APOBEC3F: variants seen among roughly 807,000 people sequenced by gnomAD.
APOBEC3F encodes DNA dC->dU-editing enzyme APOBEC-3F.
A neutral mutation model predicts 45.8 loss-of-function variants in APOBEC3F; 34 were observed. The ratio of observed to expected loss-of-function variants is 0.74; its 90% confidence interval spans 0.57 to 0.99. The LOEUF is 0.99. Among genes scored for constraint, APOBEC3F ranks in the 50% least tolerant of loss-of-function variants. APOBEC3F has a pLI of 0.00. For synonymous variants in APOBEC3F, 192 were observed against 174.4 expected, an observed-to-expected ratio of 1.10 and a Z score of -0.80; for missense variants, 459 against 474.1, an observed-to-expected ratio of 0.97 and a Z score of 0.30.
chr22:39,043,212 T>C, intron 2 of APOBEC3F, 122 bp downstream of exon 2: 1 of 1,351,488 alleles, frequency 7.4e-7, no homozygotes, highest in Non-Finnish European at 9.9e-7. Flanking sequence ...CTCCCACACT[T>C]TCCAAGTCCG....
At position 39,054,752 on chromosome 22, in the gene APOBEC3F, T is replaced by C. The variant is rs1927638584; in HGVS notation, c.*2057T>C. On this transcript the variant is annotated 3_prime_UTR_variant, in exon 7 of 7. Coordinates refer to ENST00000308521, the MANE Select transcript of APOBEC3F (RefSeq NM_145298.6). The stretch of plus-strand genomic sequence containing the variant: ...GAAATGTGAAATTTAGAGGCCCTTC[T>C]CCACACTTTAAATTTGACTTGACAT... Among the ~76,000 whole-genome samples, 1 of 152,220 alleles carries C rather than the reference T, an allele frequency of 6.6e-6. No homozygotes were observed. The highest frequency in any genetic ancestry group is 2.1e-4 in the South Asian group (1 of 4,838).
At chr22:39,046,007 C>T (rs1601497189) in intron 4 of APOBEC3F, among the ~76,000 whole-genome samples, 1 of 152,102 alleles carries the variant, frequency 6.6e-6, no homozygotes, top group Admixed American at 6.6e-5. Flanking sequence ...GGGCCGGGTG[C>T]CCACAGGGCA....
At chr22:39,041,112 C>A in intron 1 of APOBEC3F, 135 bp downstream of exon 1, 2 of 1,449,388 alleles carry the variant, frequency 1.4e-6, no homozygotes, top group Non-Finnish European at 1.9e-6. Context: ...CCCCTGCCCC[C>A]GCCACTCCCA....
In APOBEC3F at chr22:39,051,440, G is replaced by A. The variant is rs1162661619; in HGVS notation, c.724-634G>A. On this transcript the variant is annotated intron_variant, in intron 5 of 6. Transcript: ENST00000308521. Reference sequence around the variant, plus strand: ...TAGTCCCAGCTACTTGGGAGGCTGAGGCAGGAGAATGGCGTGAACCCCGGA... The same window carrying A: ...TAGTCCCAGCTACTTGGGAGGCTGAAGCAGGAGAATGGCGTGAACCCCGGA... Among the ~76,000 whole-genome samples, 8 of 151,768 alleles carry A rather than the reference G, an allele frequency of 5.3e-5. No homozygotes were observed. The South Asian group carries it at 1.2e-3, about 24-fold the overall frequency.
At chr22:39,051,175 T>C (rs191879373) in intron 5 of APOBEC3F, among the ~76,000 whole-genome samples, 1 of 151,330 alleles carries the variant, frequency 6.6e-6, no homozygotes, top group Non-Finnish European at 1.5e-5. Context: ...AGGCAGAGGT[T>C]GCAGTGAGCC....
chr22:39,041,106 T>G, intron 1 of APOBEC3F, 129 bp downstream of exon 1: 10 of 1,415,728 alleles, frequency 7.1e-6, no homozygotes, highest in South Asian at 1.3e-5. Flanking sequence ...CTGGCTCCCC[T>G]GCCCCCGCCA....
chr22:39,046,466 G>A (rs1264776787), intron 4 of APOBEC3F, among the ~76,000 whole-genome samples: 1 of 151,994 alleles, frequency 6.6e-6, no homozygotes, highest in Admixed American at 6.6e-5. Flanking sequence ...AGACCTTGCT[G>A]CACCCTGGGC....
intron 4 of APOBEC3F, among the ~76,000 whole-genome samples, chr22:39,046,828 T>A (rs552442156): frequency 5.9e-5 from 9 of 151,616 alleles, no homozygotes; most frequent in African/African-American, 2.2e-4. Flanking sequence ...GTTGGCCAGG[T>A]GTTGAGTAAG....
At position 39,052,451 on chromosome 22, in the gene APOBEC3F, G is replaced by A. The variant is rs35269786; in HGVS notation, c.1003+98G>A. ...GTGGGGCGGGGCAGTGTCCCGGGAA[G>A]CCTGCAGGGATGGCGCCAGTGTCCA... On this transcript the variant is annotated intron_variant, in intron 6 of 6. Coordinates refer to ENST00000308521, the MANE Select transcript of APOBEC3F (RefSeq NM_145298.6). 855 of 1,577,540 alleles carry A rather than the reference G, an allele frequency of 5.4e-4. 11 individuals carry two copies. In the African/African-American group the frequency reaches 1.0e-2, roughly 18 times the overall value.
At chr22:39,052,015 C>G in intron 5 of APOBEC3F, 59 bp from the exon 6 acceptor site, 2 of 1,598,772 alleles carry the variant, frequency 1.3e-6, no homozygotes, top group Middle Eastern at 1.7e-4. Context: ...TCGCCCCACC[C>G]CTGCACTCCT....
intron 3 of APOBEC3F, 93 bp from the exon 4 acceptor site, chr22:39,045,335 C>G (rs1927158653): frequency 6.2e-7 from 1 of 1,605,166 alleles, no homozygotes; most frequent in Middle Eastern, 1.7e-4. Flanking sequence ...GCGGGGCCAG[C>G]ACTGACAGCA....
chr22:39,049,500 C>A lies in APOBEC3F; in HGVS notation c.642C>A (p.Asn214Lys), dbSNP rs776422590. ...FKNLRKAYGR[N>K]ESWLCFTMEV... ...ACCTACGCAAAGCCTATGGTCGGAA[C>A]GAAAGCTGGCTGTGCTTCACCATGG... is the stretch of plus-strand genomic sequence containing the variant. Residue 214 changes from asparagine to lysine, a missense_variant, in exon 5 of 7, where the codon AAC becomes AAA. Physicochemically the swap from Asn to Lys is moderately conservative, Grantham distance 94. Coordinates refer to ENST00000308521, the MANE Select transcript of APOBEC3F (RefSeq NM_145298.6). 2.5e-6 allele frequency: 4 copies of A among 1,614,052 alleles called. No homozygotes were observed. Among genetic ancestry groups the A allele is most frequent in the Non-Finnish European group, 3.4e-6 (4 of 1,179,992 alleles).
In APOBEC3F at chr22:39,052,269, T is replaced by C; in HGVS notation, c.919T>C (p.Tyr307His). 1 of 1,614,236 alleles carries C rather than the reference T, an allele frequency of 6.2e-7. No individual in the cohort carries two copies. The highest frequency in any genetic ancestry group is 8.5e-7 in the Non-Finnish European group (1 of 1,180,044). ...TCTCACCATCTTCACCGCCCGCCTCTACTACTTCTGGGATACAGATTACCA... is the reference window on the plus strand; with the variant it reads ...TCTCACCATCTTCACCGCCCGCCTCCACTACTTCTGGGATACAGATTACCA... ...VNLTIFTARL[Y>H]YFWDTDYQEG... The change falls in exon 6 of 7, where the codon TAC becomes CAC. Residue 307 changes from tyrosine to histidine, a missense_variant. Coordinates refer to ENST00000308521, the MANE Select transcript of APOBEC3F (RefSeq NM_145298.6).
rs189022097 is a variant in APOBEC3F at position 39,049,416 on chromosome 22, T to C, written c.567-9T>C. The C allele has an allele frequency of 7.9e-4, 1,276 of 1,613,754 alleles. 16 individuals are homozygous for C. The highest frequency in any genetic ancestry group is 2.7e-4 in the Non-Finnish European group (322 of 1,179,748). On this transcript the variant is annotated splice_polypyrimidine_tract_variant and intron_variant, in intron 4 of 6. Transcript: ENST00000308521. ...TCTCTGCATTGGGGTTTCTCTATTG[T>C]GCCTTCAGAAACCCGATGGAGGCAA...
At chr22:39,044,184 G>T in intron 2 of APOBEC3F, 1 of 1,607,788 alleles carries the variant, frequency 6.2e-7, no homozygotes, top group Non-Finnish European at 8.5e-7. Context: ...GGCCTCCCCA[G>T]CTGACCGCAG....
In APOBEC3F at chr22:39,045,672, C is replaced by G. The variant is rs1040315703; in HGVS notation, c.566+130C>G. 1.3e-5 allele frequency: 19 copies of G among 1,497,416 alleles called. No homozygotes were observed. The Admixed American group carries it at 2.1e-4, about 16-fold the overall frequency. 92.8% of individuals were successfully genotyped at this position (1,497,416 alleles called of 1,614,324 possible). ...CCTGCCCTCATGGTTACACCCCTCA[C>G]CCACACTCCTTGTGCTCCTTCCCCT... On this transcript the variant is annotated intron_variant, in intron 4 of 6. Transcript: ENST00000308521.
intron 1 of APOBEC3F, among the ~76,000 whole-genome samples, chr22:39,042,075 A>G (rs531828770): frequency 6.6e-6 from 1 of 152,116 alleles, no homozygotes; most frequent in Non-Finnish European, 1.5e-5. Context: ...TGGGCAGGTT[A>G]CCCCATCTCT....
chr22:39,048,974 G>C (rs1433109022), intron 4 of APOBEC3F, among the ~76,000 whole-genome samples: 2 of 147,776 alleles, frequency 1.4e-5, no homozygotes, highest in East Asian at 4.0e-4. Flanking sequence ...AGCAGAGGGA[G>C]ACTATGTCCC....
rs1927530864 is a variant in APOBEC3F at position 39,052,318 on chromosome 22, A to G, written c.968A>G (p.Gln323Arg). The change falls in exon 6 of 7, where the codon CAG (glutamine) becomes CGG (arginine). Residue 323 changes from glutamine (Q) to arginine (R), a missense_variant. Coordinates refer to ENST00000308521, the MANE Select transcript of APOBEC3F (RefSeq NM_145298.6). Reference sequence around the variant, plus strand: ...CAGGAGGGGCTCCGCAGCCTGAGTCAGGAAGGGGCCTCCGTGGAGATCATG... The same window carrying G: ...CAGGAGGGGCTCCGCAGCCTGAGTCGGGAAGGGGCCTCCGTGGAGATCATG... Reference protein sequence around the residue: ...DYQEGLRSLSQEGASVEIMGY... With the variant: ...DYQEGLRSLSREGASVEIMGY... The G allele has an allele frequency of 9.9e-6, 16 of 1,614,100 alleles. No homozygotes were observed. The highest frequency in any genetic ancestry group is 2.7e-5 in the African/African-American group (2 of 74,928).
Sources: gnomAD v4.1 joint callset for allele counts (sites outside exome capture counted in the v4.1 genomes callset) on GRCh38, gnomAD v4.1.1 for gene constraint, MANE v1.5 for transcripts, NCBI Gene and HGNC (gene_info 2026-07-23, HGNC 2026-07-21) for gene names.